The following TAFA5 variants were observed in gnomAD, a reference collection of about 807,000 sequenced individuals.
TAFA5 encodes the protein TAFA chemokine like family member 5, also known as chemokine-like protein TAFA-5.
A neutral mutation model predicts 15.3 loss-of-function variants in TAFA5; 6 were observed. The observed-to-expected ratio is 0.39, with a 90% CI of 0.21 to 0.77. The LOEUF (loss-of-function observed/expected upper bound fraction) is 0.77, where lower values mean the gene tolerates loss of function less well. TAFA5 is among the 30% of genes least tolerant of loss of function. TAFA5 has a pLI of 0.41. For missense variants in TAFA5, 161 were observed against 193.1 expected, an observed-to-expected ratio of 0.83 and a Z score of 0.98; for synonymous variants, 103 against 80.7, an observed-to-expected ratio of 1.28 and a Z score of -1.48.
At chr22:48,514,187 A>G (rs1467375769) in intron 1 of TAFA5, among the ~76,000 whole-genome samples, 2 of 152,150 alleles carry the variant, frequency 1.3e-5, no homozygotes, top group South Asian at 4.2e-4. Context: ...TCGGGATGAA[A>G]TGAATGCATG....
At chr22:48,744,487 C>T (rs1041438835) in intron 3 of TAFA5, among the ~76,000 whole-genome samples, 2 of 152,126 alleles carry the variant, frequency 1.3e-5, no homozygotes, top group African/African-American at 2.4e-5. Context: ...CCGTGTGGTT[C>T]GTGGGATTGG....
chr22:48,693,580 T>C (rs1255007746), intron 2 of TAFA5, among the ~76,000 whole-genome samples: 4 of 152,108 alleles, frequency 2.6e-5, no homozygotes, highest in Non-Finnish European at 1.5e-5. Context: ...CCACCCCTGG[T>C]CCGGCTCTGG....
chr22:48,718,554 G>A (rs914421480), intron 3 of TAFA5, among the ~76,000 whole-genome samples: 3 of 152,042 alleles, frequency 2.0e-5, no homozygotes, highest in African/African-American at 7.2e-5. Context: ...AGGAGCCTGC[G>A]GTTCATCTCC....
rs542329065 is a variant in TAFA5 at position 48,511,082 on chromosome 22, T to C, written c.112+21378T>C. Among the ~76,000 whole-genome samples, 10 of 152,304 alleles carry C rather than the reference T, an allele frequency of 6.6e-5. 1 individual carries two copies. The South Asian group carries it at 2.1e-3, about 32-fold the overall frequency. ...AGCAGTTTTAGGGTCAACCAGGACA[T>C]TGCATGACCCAGAACTGGTCTCTGC... On this transcript the variant is annotated intron_variant, in intron 1 of 3. Transcript: ENST00000402357.
At chr22:48,651,779 C>A (rs1927063249) in intron 2 of TAFA5, among the ~76,000 whole-genome samples, 1 of 152,178 alleles carries the variant, frequency 6.6e-6, no homozygotes. Context: ...ACCTTCCACC[C>A]CACGTCCACA....
intron 1 of TAFA5, among the ~76,000 whole-genome samples, chr22:48,522,294 G>A (rs574167847): frequency 1.2e-3 from 175 of 152,110 alleles, no homozygotes; most frequent in African/African-American, 3.3e-3. Context: ...TGGGAAGGGC[G>A]GCAGCTGCCT....
chr22:48,705,803 A>C lies in TAFA5; in HGVS notation c.263-1914A>C, dbSNP rs116496304. On this transcript the variant is annotated intron_variant, in intron 2 of 3. Transcript: ENST00000402357. ...AGCACACATGTGTGCACACACGTGC[A>C]TTTGCACAACTGTTTATGTAGTTGT... Among the ~76,000 whole-genome samples, 330 of 152,352 alleles carry C rather than the reference A, an allele frequency of 2.2e-3. 2 individuals carry two copies. Among genetic ancestry groups the C allele is most frequent in the African/African-American group, 7.8e-3 (324 of 41,586 alleles).
At chr22:48,554,360 G>A (rs1341275365) in intron 1 of TAFA5, among the ~76,000 whole-genome samples, 4 of 152,134 alleles carry the variant, frequency 2.6e-5, no homozygotes, top group Non-Finnish European at 5.9e-5. Flanking sequence ...CTTTCTGTAA[G>A]GGTTTTTTAA....
chr22:48,640,043 T>C (rs2009320), intron 1 of TAFA5, among the ~76,000 whole-genome samples: 87,835 of 152,108 alleles, frequency 0.58, 25,700 homozygotes, highest in African/African-American at 0.65. Flanking sequence ...GGGTGGGTTG[T>C]GGAGGGCGTG....
chr22:48,665,655 A>G (rs1204138789), intron 2 of TAFA5, among the ~76,000 whole-genome samples: 3 of 152,178 alleles, frequency 2.0e-5, no homozygotes, highest in Non-Finnish European at 2.9e-5. Context: ...CCTTTCACTC[A>G]TAATGGTTTT....
At position 48,560,050 on chromosome 22, in the gene TAFA5, A is replaced by G. The variant is rs1923175017; in HGVS notation, c.112+70346A>G. 6.6e-6 allele frequency among the ~76,000 whole-genome samples: 1 copy of G among 152,160 alleles called. No individual in the cohort carries two copies. The highest frequency in any genetic ancestry group is 2.1e-4 in the South Asian group (1 of 4,826). On this transcript the variant is annotated intron_variant, in intron 1 of 3. Transcript: ENST00000402357. This position sits in a 1 kb window ranked among gnomAD's most constrained non-coding sequence, Gnocchi z 4.2. Reference sequence around the variant, plus strand: ...TCTTCTTTCTATGCACACGCCGGCCATCCTCCATCAGGCAGCTGCCCTGGC... The same window carrying G: ...TCTTCTTTCTATGCACACGCCGGCCGTCCTCCATCAGGCAGCTGCCCTGGC...
chr22:48,718,508 C>T (rs1929472875), intron 3 of TAFA5, among the ~76,000 whole-genome samples: 1 of 152,110 alleles, frequency 6.6e-6, no homozygotes, highest in African/African-American at 2.4e-5. Flanking sequence ...CGCCATCCTC[C>T]CGTGCGACCT....
At chr22:48,590,637 C>T (rs1489150167) in intron 1 of TAFA5, among the ~76,000 whole-genome samples, 4 of 152,090 alleles carry the variant, frequency 2.6e-5, no homozygotes, top group African/African-American at 9.7e-5. Flanking sequence ...AGGACTGTGA[C>T]TCTGAGAGCC....
At position 48,636,916 on chromosome 22, in the gene TAFA5, G is replaced by A. The variant is rs367715142; in HGVS notation, c.113-9681G>A. Among the ~76,000 whole-genome samples, 22 of 152,302 alleles carry A rather than the reference G, an allele frequency of 1.4e-4. No individual in the cohort carries two copies. In the South Asian group the frequency reaches 4.6e-3, roughly 32 times the overall value. ...TAGTCCAGCTGGACGGGACAGGCGC[G>A]GGGCCCTGGGAGGCTGAGGCCAGGG... On this transcript the variant is annotated intron_variant, in intron 1 of 3. Coordinates refer to ENST00000402357, the MANE Select transcript of TAFA5 (RefSeq NM_001082967.3).
chr22:48,617,095 G>A (rs190399143), intron 1 of TAFA5, among the ~76,000 whole-genome samples: 58 of 152,322 alleles, frequency 3.8e-4, no homozygotes, highest in Non-Finnish European at 6.9e-4. Context: ...AAAGATGTCC[G>A]GGTTCTAATC....
At chr22:48,510,845 G>T (rs756639288) in intron 1 of TAFA5, among the ~76,000 whole-genome samples, 3 of 152,262 alleles carry the variant, frequency 2.0e-5, no homozygotes, top group Non-Finnish European at 4.4e-5. Context: ...GCAGCCATGC[G>T]CATTGCAGGC....
At chr22:48,623,960 C>A (rs760697294) in intron 1 of TAFA5, among the ~76,000 whole-genome samples, 1 of 152,210 alleles carries the variant, frequency 6.6e-6, no homozygotes, top group Non-Finnish European at 1.5e-5. Flanking sequence ...GGCTTGTCAT[C>A]TTCAGCTGAA....
intron 1 of TAFA5, chr22:48,576,671 C>T (rs2147142313): frequency 1.6e-6 from 2 of 1,212,716 alleles, no homozygotes; most frequent in South Asian, 3.6e-5. Flanking sequence ...GCTGCCGCCG[C>T]GCTCGGCTGA....
rs536968665 is a variant in TAFA5 at position 48,703,191 on chromosome 22, G to C, written c.263-4526G>C. On this transcript the variant is annotated intron_variant, in intron 2 of 3. Coordinates refer to ENST00000402357, the MANE Select transcript of TAFA5 (RefSeq NM_001082967.3). ...GTGCCTGCATGCCTTTGCGTGTGGTGTGTGGTGTATACATGTGTGTGATGT... is the reference window on the plus strand; with the variant it reads ...GTGCCTGCATGCCTTTGCGTGTGGTCTGTGGTGTATACATGTGTGTGATGT... Among the ~76,000 whole-genome samples the C allele has an allele frequency of 4.0e-5, 6 of 151,034 alleles. No individual in the cohort carries two copies. In the South Asian group the frequency reaches 1.2e-3, roughly 31 times the overall value.
Sources: allele counts gnomAD v4.1 joint callset (sites outside exome capture counted in the v4.1 genomes callset), GRCh38; gene constraint gnomAD v4.1.1; non-coding constraint Gnocchi (gnomAD v3.1); transcripts MANE v1.5; gene names NCBI Gene and HGNC (gene_info 2026-07-23, HGNC 2026-07-21).